Variants in BMPR1B observed in about 807,000 individuals in gnomAD.
The protein encoded by BMPR1B is bone morphogenetic protein receptor type-1B.
Under a neutral mutation model 59.1 loss-of-function variants are expected in BMPR1B, and 12 were observed. The ratio of observed to expected loss-of-function variants is 0.20; its 90% CI spans 0.13 to 0.33. The LOEUF is 0.33. Among genes scored for constraint, BMPR1B ranks in the 10% least tolerant of loss-of-function variants. The pLI is 1.00. For missense variants in BMPR1B, 550 were observed against 610.9 expected, an observed-to-expected ratio of 0.90 and a Z score of 1.05; for synonymous variants, 237 against 207.3, an observed-to-expected ratio of 1.14 and a Z score of -1.23.
intron 3 of BMPR1B, among the ~76,000 whole-genome samples, chr4:95,017,444 C>T (rs2149132049): frequency 6.6e-6 from 1 of 152,290 alleles, no homozygotes. Context: ...TATCTAAAAG[C>T]AATGTTAGTG....
At chr4:94,978,280 C>G (rs955253980) in intron 2 of BMPR1B, among the ~76,000 whole-genome samples, 3 of 152,166 alleles carry the variant, frequency 2.0e-5, no homozygotes, top group African/African-American at 7.2e-5. Context: ...TTTAAGGTTT[C>G]TGTGGGCCAG....
At chr4:94,812,748 T>C (rs1230204272) in intron 1 of BMPR1B, among the ~76,000 whole-genome samples, 1 of 152,130 alleles carries the variant, frequency 6.6e-6, no homozygotes, top group Non-Finnish European at 1.5e-5. Flanking sequence ...GTGGAATTGC[T>C]AGAATTGGGG....
intron 3 of BMPR1B, among the ~76,000 whole-genome samples, chr4:95,085,878 TA>T (rs1393219765): frequency 1.3e-5 from 2 of 152,144 alleles, no homozygotes. Context: ...AGTAGTAAGT[TA>T]CTTGTGAGGT....
At chr4:95,025,192 G>A (rs1295236976) in intron 3 of BMPR1B, among the ~76,000 whole-genome samples, 1 of 152,100 alleles carries the variant, frequency 6.6e-6, no homozygotes, top group Admixed American at 6.6e-5. Context: ...AGCATTCATG[G>A]ATTATTTTCG....
intron 1 of BMPR1B, among the ~76,000 whole-genome samples, chr4:94,864,757 T>G (rs954523111): frequency 1.3e-5 from 2 of 152,072 alleles, no homozygotes; most frequent in Admixed American, 1.3e-4. Context: ...ACTATATTGC[T>G]TAGGGAATAA....
intron 3 of BMPR1B, among the ~76,000 whole-genome samples, chr4:95,070,148 A>T (rs1415107000): frequency 6.6e-6 from 1 of 152,166 alleles, no homozygotes; most frequent in East Asian, 1.9e-4. Context: ...AAAAACTGTA[A>T]TCTTAGCTGT....
chr4:95,100,623 T>A (rs1391001999), intron 3 of BMPR1B, among the ~76,000 whole-genome samples: 1 of 152,156 alleles, frequency 6.6e-6, no homozygotes, highest in Non-Finnish European at 1.5e-5. Flanking sequence ...GATTATTTGA[T>A]GATTTTCTTT....
intron 4 of BMPR1B, 132 bp downstream of exon 4, chr4:95,104,699 C>T: frequency 8.6e-7 from 1 of 1,168,134 alleles, no homozygotes; most frequent in Non-Finnish European, 1.2e-6. Context: ...ACTCTTAGAG[C>T]TGTGCTTGTA....
At chr4:94,846,021 A>G (rs139135545) in intron 1 of BMPR1B, among the ~76,000 whole-genome samples, 7 of 152,326 alleles carry the variant, frequency 4.6e-5, no homozygotes, top group African/African-American at 1.4e-4. Context: ...CTGAGCAAAA[A>G]GAACAAAACT....
chr4:95,140,318 A>G (rs1386764944), intron 10 of BMPR1B, among the ~76,000 whole-genome samples: 1 of 151,886 alleles, frequency 6.6e-6, no homozygotes, highest in African/African-American at 2.4e-5. Context: ...AAGGAAAAAG[A>G]ACTTTTTTCC....
chr4:94,912,048 C>T (rs192874147), intron 2 of BMPR1B, among the ~76,000 whole-genome samples: 162 of 152,174 alleles, frequency 1.1e-3, no homozygotes, highest in African/African-American at 3.5e-3. Flanking sequence ...ATGAAGAGCA[C>T]ATCCTGTCTT....
Position 94,824,804 on chromosome 4 carries a change from A to G in BMPR1B, c.-182-51027A>G, listed in dbSNP as rs535361286. Among the ~76,000 whole-genome samples, 10 of 152,306 alleles carry G rather than the reference A, an allele frequency of 6.6e-5. No individual in the cohort carries two copies. In the Middle Eastern group the frequency reaches 0.01, roughly 155 times the overall value. ...TATATTGGGTAAATTTTTATTTTATAAAATAAAAATGTAATGAAAGTTATA... is the reference window on the plus strand; with the variant it reads ...TATATTGGGTAAATTTTTATTTTATGAAATAAAAATGTAATGAAAGTTATA... On this transcript the variant is annotated intron_variant, in intron 1 of 12. Transcript: ENST00000515059.
chr4:95,019,525 T>C (rs1412971473), intron 3 of BMPR1B, among the ~76,000 whole-genome samples: 2 of 152,106 alleles, frequency 1.3e-5, no homozygotes, highest in African/African-American at 4.8e-5. Context: ...AATATAAAGG[T>C]GGGTTTAGGT....
chr4:94,920,877 T>G (rs1728662795), intron 2 of BMPR1B, among the ~76,000 whole-genome samples: 1 of 152,182 alleles, frequency 6.6e-6, no homozygotes, highest in South Asian at 2.1e-4. Context: ...TAACTAAATA[T>G]TTTTATGTGT....
chr4:94,867,494 A>G (rs916474087), intron 1 of BMPR1B, among the ~76,000 whole-genome samples: 2 of 151,994 alleles, frequency 1.3e-5, no homozygotes, highest in East Asian at 1.9e-4. Context: ...GAGTTCTTCT[A>G]CTCCTCTTTA....
intron 1 of BMPR1B, among the ~76,000 whole-genome samples, chr4:94,843,145 CAT>C (rs1725165423): frequency 6.6e-6 from 1 of 152,266 alleles, no homozygotes; most frequent in East Asian, 1.9e-4. Flanking sequence ...CCCAAAATCA[CAT>C]AGTTAGTAAA....
intron 1 of BMPR1B, among the ~76,000 whole-genome samples, chr4:94,848,464 GTGCCCAA>G (rs892137579): frequency 2.0e-5 from 3 of 152,162 alleles, no homozygotes; most frequent in Admixed American, 2.0e-4. Flanking sequence ...AGGCAGCAAT[GTGCCCAA>G]TGCGCTTGAA....
intron 1 of BMPR1B, among the ~76,000 whole-genome samples, chr4:94,836,283 G>A (rs534267742): frequency 2.0e-4 from 31 of 151,508 alleles, no homozygotes; most frequent in Admixed American, 7.2e-4. Context: ...CCAGTAATGG[G>A]ATGGCTGGGT....
At chr4:94,902,481 A>G (rs561868401) in intron 2 of BMPR1B, among the ~76,000 whole-genome samples, 12 of 151,946 alleles carry the variant, frequency 7.9e-5, no homozygotes, top group African/African-American at 2.9e-4. Flanking sequence ...GAGAAGGATG[A>G]TGGCAGCACT....
Sources: gnomAD v4.1 joint callset for allele counts (sites outside exome capture counted in the v4.1 genomes callset) on GRCh38, gnomAD v4.1.1 for gene constraint, MANE v1.5 for transcripts, NCBI Gene and HGNC (gene_info 2026-07-23, HGNC 2026-07-21) for gene names.